The following KLRB1 variants were observed in gnomAD, a reference collection of about 807,000 sequenced individuals.
KLRB1 encodes the protein killer cell lectin like receptor B1.
Under a neutral mutation model 33.5 loss-of-function variants are expected in KLRB1, and 27 were observed. The ratio of observed to expected loss-of-function variants is 0.81; its 90% CI spans 0.59 to 1.11. The LOEUF is 1.11. KLRB1 is among the 50% of genes most tolerant of loss of function. The pLI is 0.00. For missense variants in KLRB1, 241 were observed against 254.1 expected (o/e 0.95, Z 0.35); for synonymous variants, 64 against 88.9 (o/e 0.72, Z 1.58).
At chr12:9,602,506 G>A (rs1864556758) in intron 1 of KLRB1, among the ~76,000 whole-genome samples, 1 of 152,090 alleles carries the variant, frequency 6.6e-6, no homozygotes, top group African/African-American at 2.4e-5. Context: ...AATTATTCTG[G>A]TAGTATATTG....
rs1864621444 is a variant in KLRB1 at position 9,607,334 on chromosome 12, TCCTTTCTTTCTTTCTTTCTTC to T, written c.85+400_85+420del. Among the ~76,000 whole-genome samples, 3 of 26,146 alleles carry T rather than the reference TCCTTTCTTTCTTTCTTTCTTC, an allele frequency of 1.1e-4. 1 individual carries two copies. Among genetic ancestry groups the T allele is most frequent in the African/African-American group, 1.4e-4 (2 of 14,464 alleles). The allele number at this position is 26,146 out of a possible 152,430, so 17.2% of individuals were successfully genotyped here. A position where few individuals can be genotyped will look rare whatever the true frequency, so the allele number is the denominator to read the frequency against. On this transcript the variant is annotated intron_variant, in intron 1 of 5. Transcript: ENST00000229402. ...CTTTCTTCTTTTCTTTCTCTTTCTT[TCCTTTCTTTCTTTCTTTCTTC>T]CTTTCTTTCTTTCTTTCTTTCTTTC... is the stretch of plus-strand genomic sequence containing the variant.
At chr12:9,603,911 A>G (rs1302838189) in intron 1 of KLRB1, among the ~76,000 whole-genome samples, 1 of 152,184 alleles carries the variant, frequency 6.6e-6, no homozygotes, top group South Asian at 2.1e-4. Context: ...TATCTATGTC[A>G]TAATATTTTG....
At chr12:9,606,747 TATATATATATATA>T (rs1259925617) in intron 1 of KLRB1, among the ~76,000 whole-genome samples, 19 of 32,858 alleles carry the variant, frequency 5.8e-4, no homozygotes, top group Admixed American at 1.8e-3. Flanking sequence ...TATATATATA[TATATATATATATA>T]TTTTTTTTTT....
intron 1 of KLRB1, among the ~76,000 whole-genome samples, chr12:9,604,855 A>G (rs758122315): frequency 8.6e-5 from 13 of 151,866 alleles, no homozygotes; most frequent in Non-Finnish European, 4.4e-5. Context: ...ATTTTTTATT[A>G]TACTTTAAGT....
chr12:9,599,707 A>G, intron 3 of KLRB1, 60 bp downstream of exon 3: 1 of 998,686 alleles, frequency 1.0e-6, no homozygotes, highest in South Asian at 1.3e-5. Flanking sequence ...GCCTAAGGTA[A>G]CACATGAAAT....
intron 1 of KLRB1, among the ~76,000 whole-genome samples, chr12:9,606,648 T>TTG (rs1864602403): frequency 2.1e-5 from 2 of 95,774 alleles, no homozygotes; most frequent in African/African-American, 6.5e-5. Context: ...AGCCTACACT[T>TTG]TATATATATA....
chr12:9,605,532 T>A, intron 1 of KLRB1, among the ~76,000 whole-genome samples: 1 of 152,252 alleles, frequency 6.6e-6, no homozygotes. Context: ...GCTTATTTTT[T>A]AATGAATGAA....
At chr12:9,604,630 C>T (rs1864580508) in intron 1 of KLRB1, among the ~76,000 whole-genome samples, 1 of 152,128 alleles carries the variant, frequency 6.6e-6, no homozygotes, top group Non-Finnish European at 1.5e-5. Flanking sequence ...CTCTCAGGGG[C>T]TTATGTCTTT....
At chr12:9,603,330 T>C (rs929706501) in intron 1 of KLRB1, among the ~76,000 whole-genome samples, 8 of 152,244 alleles carry the variant, frequency 5.3e-5, no homozygotes, top group Non-Finnish European at 1.0e-4. Flanking sequence ...TTTCTGTCTC[T>C]TCTCTTCCCC....
intron 1 of KLRB1, among the ~76,000 whole-genome samples, chr12:9,604,597 G>C (rs919944319): frequency 1.1e-4 from 17 of 152,010 alleles, no homozygotes; most frequent in African/African-American, 4.1e-4. Flanking sequence ...TGCACTTGTT[G>C]GTCACCTTCC....
At chr12:9,603,272 C>G (rs917078764) in intron 1 of KLRB1, among the ~76,000 whole-genome samples, 7 of 152,144 alleles carry the variant, frequency 4.6e-5, no homozygotes, top group African/African-American at 1.7e-4. Context: ...CCCAAGACAG[C>G]ACTGGCATGG....
chr12:9,596,271 A>G (rs118117973), intron 5 of KLRB1, among the ~76,000 whole-genome samples: 5,432 of 152,238 alleles, frequency 0.036, 111 homozygotes, highest in Middle Eastern at 0.048. Flanking sequence ...CCAACCTTCT[A>G]GTCAAACCAA....
Position 9,595,037 on chromosome 12 carries a change from A to G in KLRB1, c.*237T>C. On this transcript the variant is annotated 3_prime_UTR_variant, in exon 6 of 6. Coordinates refer to ENST00000229402, the MANE Select transcript of KLRB1 (RefSeq NM_002258.3). Reference sequence around the variant, plus strand: ...GGGACATCCTTCACTCCTTCACCATAGAATATCACTGTTTCTTTAAAACGA... The same window carrying G: ...GGGACATCCTTCACTCCTTCACCATGGAATATCACTGTTTCTTTAAAACGA... The G allele has an allele frequency of 4.2e-6, 2 of 473,424 alleles. No homozygotes were observed. The highest frequency in any genetic ancestry group is 3.6e-5 in the Admixed American group (1 of 27,870). The allele number at this position is 473,424 out of a possible 1,614,324, so 29.3% of individuals were successfully genotyped here. A position where few individuals can be genotyped will look rare whatever the true frequency, so the allele number is the denominator to read the frequency against.
chr12:9,597,970 C>G lies in KLRB1; in HGVS notation c.530+76G>C, dbSNP rs892176865. ...TAAACCAAATTAAAACTACAAAACT[C>G]AATCTTCAGTGTTACTACCTTGCAG... On this transcript the variant is annotated intron_variant, in intron 5 of 5. Transcript: ENST00000229402. The G allele has an allele frequency of 5.7e-6, 4 of 698,666 alleles. No individual in the cohort carries two copies. The Admixed American group carries it at 1.0e-4, about 17-fold the overall frequency. The allele number at this position is 698,666 out of a possible 1,614,324, so 43.3% of individuals were successfully genotyped here.
chr12:9,603,794 A>G (rs1864571335), intron 1 of KLRB1, among the ~76,000 whole-genome samples: 1 of 152,116 alleles, frequency 6.6e-6, no homozygotes, highest in African/African-American at 2.4e-5. Context: ...ACATTGATTA[A>G]GAACAGTCTT....
intron 2 of KLRB1, among the ~76,000 whole-genome samples, chr12:9,600,053 T>C (rs889909319): frequency 6.6e-6 from 1 of 151,656 alleles, no homozygotes; most frequent in African/African-American, 2.4e-5. Flanking sequence ...ACAGGTGGAC[T>C]CACACAGCCA....
intron 3 of KLRB1, among the ~76,000 whole-genome samples, 166 bp from the exon 4 acceptor site, chr12:9,598,819 G>C (rs1253477683): frequency 6.6e-6 from 1 of 152,102 alleles, no homozygotes; most frequent in Non-Finnish European, 1.5e-5. Context: ...GAGACCTACT[G>C]TTCATTCTAG....
chr12:9,607,615 G>T, intron 1 of KLRB1, 140 bp downstream of exon 1: 1 of 596,020 alleles, frequency 1.7e-6, no homozygotes, highest in Non-Finnish European at 3.0e-6. Flanking sequence ...TTATCTACAG[G>T]CAAGCCATGC....
rs1591656041 is a variant in KLRB1, at chr12:9,598,645, C to G, written c.268G>C (p.Gly90Arg). ...CAATATATTGGGCAGTTTAAGAGAC[C>G]CGGTCTCTCTAAAGTAAAAAACAGA... ...QSRNKTTERP[G>R]LLNCPIYWQQ... Residue 90 changes from glycine (G) to arginine (R), a missense_variant, in exon 4 of 6, where the codon GGT becomes CGT. By Grantham distance (125) the Gly-to-Arg change is moderately radical. Coordinates refer to ENST00000229402, the MANE Select transcript of KLRB1 (RefSeq NM_002258.3). The G allele has an allele frequency of 6.2e-7, 1 of 1,607,908 alleles. No individual in the cohort carries two copies. The highest frequency in any genetic ancestry group is 1.1e-5 in the South Asian group (1 of 90,402).
Sources: allele counts gnomAD v4.1 joint callset (sites outside exome capture counted in the v4.1 genomes callset), GRCh38; gene constraint gnomAD v4.1.1; transcripts MANE v1.5; gene names NCBI Gene and HGNC (gene_info 2026-07-23, HGNC 2026-07-21).